AKAP13: variants seen among roughly 807,000 people sequenced by gnomAD.
AKAP13 encodes the protein A-kinase anchoring protein 13.
In AKAP13, 80 loss-of-function variants were observed where a neutral mutation model predicts 264.5. The ratio of observed to expected loss-of-function variants is 0.30; its 90% CI spans 0.25 to 0.36. The LOEUF is 0.36. Ranked by LOEUF, AKAP13 falls within the 10% of genes least tolerant of loss-of-function variation. AKAP13 has a pLI of 1.00. For missense variants in AKAP13, 3,712 were observed against 3,435.2 expected, an observed-to-expected ratio of 1.08 and a Z score of -2.01; for synonymous variants, 1,380 against 1,250.2, an observed-to-expected ratio of 1.10 and a Z score of -2.19.
At chr15:85,528,146 A>G (rs955422811) in intron 3 of AKAP13, among the ~76,000 whole-genome samples, 12 of 152,200 alleles carry the variant, frequency 7.9e-5, no homozygotes, top group East Asian at 3.8e-4. Context: ...TTTCGTTTCC[A>G]TGGGTGCGGT....
At chr15:85,610,353 C>A (rs573255768) in intron 8 of AKAP13, among the ~76,000 whole-genome samples, 2 of 152,322 alleles carry the variant, frequency 1.3e-5, no homozygotes, top group East Asian at 3.9e-4. Flanking sequence ...CTGCCTCTCT[C>A]CTTCAGCTAT....
At chr15:85,676,191 G>A (rs777796994) in intron 14 of AKAP13, among the ~76,000 whole-genome samples, 1 of 152,178 alleles carries the variant, frequency 6.6e-6, no homozygotes, top group East Asian at 1.9e-4. Flanking sequence ...GATTACAGGC[G>A]TGAGCCACCA....
At chr15:85,479,641 A>G (rs937879581) in intron 1 of AKAP13, among the ~76,000 whole-genome samples, 1 of 152,048 alleles carries the variant, frequency 6.6e-6, no homozygotes, top group Non-Finnish European at 1.5e-5. Flanking sequence ...CTGTCAATTG[A>G]TGTGGTAGGT....
chr15:85,715,485 A>G (rs533708300), intron 19 of AKAP13, among the ~76,000 whole-genome samples: 86 of 152,250 alleles, frequency 5.6e-4, no homozygotes, highest in African/African-American at 2.0e-3. Flanking sequence ...GGCATTTACA[A>G]TTTCAATAGT....
chr15:85,507,061 T>G (rs1205155092), intron 2 of AKAP13, among the ~76,000 whole-genome samples: 1 of 152,220 alleles, frequency 6.6e-6, no homozygotes, highest in Non-Finnish European at 1.5e-5. Flanking sequence ...GCAAATTTTC[T>G]TCCTTCTCTT....
chr15:85,717,869 A>G (rs2087044606), intron 21 of AKAP13, 138 bp from the exon 22 acceptor site: 3 of 798,600 alleles, frequency 3.8e-6, no homozygotes, highest in Non-Finnish European at 5.9e-6. Context: ...TTTTTCTGGT[A>G]CTAGAATATG....
At position 85,434,334 on chromosome 15, in the gene AKAP13, T is replaced by G. The variant is rs976941755; in HGVS notation, c.-11-51376T>G. 1.5e-3 allele frequency among the ~76,000 whole-genome samples: 233 copies of G among 152,084 alleles called. 2 individuals carry two copies. Among genetic ancestry groups the G allele is most frequent in the African/African-American group, 1.1e-3 (45 of 41,476 alleles). On this transcript the variant is annotated intron_variant, in intron 1 of 36. Coordinates refer to ENST00000394518, the MANE Select transcript of AKAP13 (RefSeq NM_007200.5). ...CGGAGGGTCCTACGCCCACGGAATC[T>G]CGCTGACTGCTAGCACAGCAGTCTG... is the stretch of plus-strand genomic sequence containing the variant.
chr15:85,476,344 T>G (rs535668482), intron 1 of AKAP13, among the ~76,000 whole-genome samples: 1 of 152,206 alleles, frequency 6.6e-6, no homozygotes, highest in Admixed American at 6.5e-5. Context: ...GAGTACCTTA[T>G]CTGTTGGAAT....
chr15:85,709,530 C>T (rs55757199), intron 18 of AKAP13, among the ~76,000 whole-genome samples: 9,555 of 152,016 alleles, frequency 0.063, 426 homozygotes, highest in Admixed American at 0.16. Context: ...TGTTGCCTGC[C>T]GGCACCATAG....
At chr15:85,457,459 T>C (rs983618974) in intron 1 of AKAP13, among the ~76,000 whole-genome samples, 1 of 152,190 alleles carries the variant, frequency 6.6e-6, no homozygotes, top group Non-Finnish European at 1.5e-5. Flanking sequence ...TGGGAAGCAC[T>C]GTACTGATTC....
Position 85,580,457 on chromosome 15 carries a change from A to T in AKAP13, c.2389A>T (p.Thr797Ser). Residue 797 changes from threonine (T) to serine (S), a missense_variant, in exon 7 of 37, where the codon ACC becomes TCC. Around this residue, in one of 3 missense-constraint regions of AKAP13, gnomAD observed 2,759 missense variants for 2,411.7 expected, o/e 1.14. Coordinates refer to ENST00000394518, the MANE Select transcript of AKAP13 (RefSeq NM_007200.5). The stretch of plus-strand genomic sequence containing the variant: ...AAACAGTCCAGGCAGTGAATCAGTA[A>T]CCAAGGATGACGCACTTTCTTTTGT... ...LANSPGSESVTKDDALSFVPS... is the reference protein window; with the variant it reads ...LANSPGSESVSKDDALSFVPS... 1 of 1,614,248 alleles carries T rather than the reference A, an allele frequency of 6.2e-7. No homozygotes were observed. The highest frequency in any genetic ancestry group is 1.3e-5 in the African/African-American group (1 of 75,070).
chr15:85,710,427 A>G lies in AKAP13; in HGVS notation c.5533-152A>G, dbSNP rs569503662. 2.0e-5 allele frequency: 12 copies of G among 606,920 alleles called. No homozygotes were observed. The South Asian group carries it at 2.4e-4, about 12-fold the overall frequency. The allele number at this position is 606,920 out of a possible 1,614,324, so 37.6% of individuals were successfully genotyped here. ...TACGTGGCAGGCTTAGAGGATGGCA[A>G]TTGGGGGCGACCGTGGCTGGGACAC... On this transcript the variant is annotated intron_variant, in intron 18 of 36. Coordinates refer to ENST00000394518, the MANE Select transcript of AKAP13 (RefSeq NM_007200.5).
intron 13 of AKAP13, among the ~76,000 whole-genome samples, chr15:85,668,110 TC>T (rs1328832505): frequency 6.6e-6 from 1 of 152,210 alleles, no homozygotes; most frequent in Non-Finnish European, 1.5e-5. Flanking sequence ...GTAGCCAACT[TC>T]CTGTTAAAAG....
chr15:85,590,846 T>C (rs1424301527), intron 8 of AKAP13, among the ~76,000 whole-genome samples: 2 of 152,200 alleles, frequency 1.3e-5, no homozygotes, highest in East Asian at 3.8e-4. Flanking sequence ...TGAGTTAATA[T>C]ATATCAAGTA....
chr15:85,581,014 T>G lies in AKAP13; in HGVS notation c.2946T>G (p.Asn982Lys). The part of the protein sequence containing the change: ...CAKDKALQLS[N>K]SPGASSAFLK... ...AGGACAAAGCACTTCAGCTAAGTAA[T>G]TCACCGGGTGCATCCTCTGCCTTTC... The change falls in exon 7 of 37, where the codon AAT becomes AAG. Residue 982 changes from asparagine to lysine, a missense_variant. Asn to Lys is a moderately conservative substitution (Grantham distance 94, BLOSUM62 0). Transcript: ENST00000394518. 1 of 1,613,798 alleles carries G rather than the reference T, an allele frequency of 6.2e-7. No individual in the cohort carries two copies. The highest frequency in any genetic ancestry group is 8.5e-7 in the Non-Finnish European group (1 of 1,179,804).
chr15:85,511,277 C>T (rs1246511767), intron 2 of AKAP13, among the ~76,000 whole-genome samples: 1 of 152,136 alleles, frequency 6.6e-6, no homozygotes, highest in Non-Finnish European at 1.5e-5. Context: ...ACTGCCTTCC[C>T]TTGCTGGAAC....
At chr15:85,479,228 A>G (rs1289373025) in intron 1 of AKAP13, among the ~76,000 whole-genome samples, 8 of 152,240 alleles carry the variant, frequency 5.3e-5, no homozygotes, top group Admixed American at 2.6e-4. Flanking sequence ...AGCCTCCCCA[A>G]CCAGGGCATA....
chr15:85,452,644 C>T (rs2074133088), intron 1 of AKAP13, among the ~76,000 whole-genome samples: 1 of 152,056 alleles, frequency 6.6e-6, no homozygotes, highest in African/African-American at 2.4e-5. Flanking sequence ...TGTCAGGTAT[C>T]TTTGGTGTTA....
chr15:85,642,815 A>G (rs2082370638), intron 9 of AKAP13, among the ~76,000 whole-genome samples: 1 of 152,168 alleles, frequency 6.6e-6, no homozygotes, highest in Non-Finnish European at 1.5e-5. Context: ...CCAGTCTGGA[A>G]TTTGGACGTG....
Sources: gnomAD v4.1 joint callset for allele counts (sites outside exome capture counted in the v4.1 genomes callset) on GRCh38, gnomAD v4.1.1 for gene constraint, gnomAD v4.1.1 regional missense constraint, MANE v1.5 for transcripts, NCBI Gene and HGNC (gene_info 2026-07-23, HGNC 2026-07-21) for gene names.